The following MACF1 variants were observed in gnomAD, a reference collection of about 807,000 sequenced individuals.
The protein encoded by MACF1 is microtubule actin crosslinking factor 1.
In MACF1, 193 loss-of-function variants were observed where a neutral mutation model predicts 854.8. That is an observed-to-expected ratio of 0.23 (90% CI 0.20 to 0.25). The LOEUF (loss-of-function observed/expected upper bound fraction) is 0.25, where lower values mean the gene tolerates loss of function less well. MACF1 is among the 10% of genes least tolerant of loss of function. The pLI, the probability that MACF1 is intolerant of heterozygous loss-of-function variation, is 1.00. For missense variants in MACF1, 7,722 were observed against 8,929.1 expected, an observed-to-expected ratio of 0.86 and a Z score of 5.45; for synonymous variants, 3,185 against 3,226.7, an observed-to-expected ratio of 0.99 and a Z score of 0.44.
intron 58 of MACF1, chr1:39,411,189 C>G (rs745428115): frequency 6.2e-7 from 1 of 1,613,722 alleles, no homozygotes; most frequent in Non-Finnish European, 8.5e-7. Flanking sequence ...TTCTCATAAC[C>G]CCCAGCCTGA....
At chr1:39,441,159 C>T (rs374910207) in intron 73 of MACF1, 34 bp downstream of exon 73, 84 of 1,613,992 alleles carry the variant, frequency 5.2e-5, no homozygotes, top group Non-Finnish European at 6.7e-5. Context: ...TCAGTTAGAA[C>T]ATTAGTGGGC....
chr1:39,410,117 G>C (rs1446680480), intron 58 of MACF1: 1 of 551,958 alleles, frequency 1.8e-6, no homozygotes, highest in Non-Finnish European at 3.1e-6. Flanking sequence ...TTTCAAAACG[G>C]AACTTCCAGG....
At chr1:39,092,960 T>A (rs982494005) in intron 2 of MACF1, among the ~76,000 whole-genome samples, 1 of 151,936 alleles carries the variant, frequency 6.6e-6, no homozygotes, top group African/African-American at 2.4e-5. Flanking sequence ...TTTTTTTGTA[T>A]TTTTTAGTAG....
intron 1 of MACF1, among the ~76,000 whole-genome samples, chr1:39,210,498 C>G (rs1487687006): frequency 6.6e-6 from 1 of 151,852 alleles, no homozygotes; most frequent in Non-Finnish European, 1.5e-5. Context: ...CCATGCCTGG[C>G]TCTTTTTCTT....
chr1:39,460,888 C>A lies in MACF1; in HGVS notation c.21523+94C>A. 6.9e-7 allele frequency: 1 copy of A among 1,449,876 alleles called. No individual in the cohort carries two copies. The highest frequency in any genetic ancestry group is 9.6e-7 in the Non-Finnish European group (1 of 1,046,386). 89.8% of individuals were successfully genotyped at this position (1,449,876 alleles called of 1,614,324 possible). On this transcript the variant is annotated intron_variant, in intron 92 of 100. Coordinates refer to ENST00000564288, the MANE Select transcript of MACF1 (RefSeq NM_001394062.1). This position sits in a 1 kb window ranked among gnomAD's most constrained non-coding sequence, Gnocchi z 4.1. ...TTCTAGCTAAACAGTCTTTCTGAAG[C>A]TGGCCAGGAGCTTGGCTCACACCTG...
intron 49 of MACF1, among the ~76,000 whole-genome samples, chr1:39,365,421 A>G (rs1156332618): frequency 6.6e-6 from 1 of 152,142 alleles, no homozygotes; most frequent in Non-Finnish European, 1.5e-5. Flanking sequence ...TCAAGAGGTC[A>G]TGCTCAAAGG....
chr1:39,430,327 T>C (rs1270500869), intron 65 of MACF1, among the ~76,000 whole-genome samples: 3 of 151,986 alleles, frequency 2.0e-5, no homozygotes, highest in Non-Finnish European at 4.4e-5. Context: ...TTTTATTTGA[T>C]TTCTCTGCAG....
At chr1:39,293,010 C>T (rs1045572288) in intron 17 of MACF1, among the ~76,000 whole-genome samples, 167 bp downstream of exon 17, 1 of 152,158 alleles carries the variant, frequency 6.6e-6, no homozygotes, top group Non-Finnish European at 1.5e-5. Flanking sequence ...AACATTTTCC[C>T]AATTTTCTAA....
At chr1:39,128,763 A>C (rs1642925631) in intron 2 of MACF1, among the ~76,000 whole-genome samples, 1 of 152,080 alleles carries the variant, frequency 6.6e-6, no homozygotes, top group Non-Finnish European at 1.5e-5. Context: ...CTCCTGGTAA[A>C]ATTTTACTTA....
intron 95 of MACF1, chr1:39,467,618 ATGCT>A (rs1235543529): frequency 2.0e-5 from 3 of 152,226 alleles, no homozygotes; most frequent in Admixed American, 2.0e-4. Context: ...AATCAGAAAT[ATGCT>A]TGTTTTAGCA....
chr1:39,266,105 G>T (rs1307075973), intron 6 of MACF1, among the ~76,000 whole-genome samples: 1 of 152,094 alleles, frequency 6.6e-6, no homozygotes, highest in Non-Finnish European at 1.5e-5. Flanking sequence ...GACATATGCA[G>T]AAATTTTAAA....
At chr1:39,139,645 T>A (rs1416253188) in intron 2 of MACF1, among the ~76,000 whole-genome samples, 1 of 152,220 alleles carries the variant, frequency 6.6e-6, no homozygotes, top group East Asian at 1.9e-4. Context: ...CTTTAATTTC[T>A]ACATTATATT....
intron 1 of MACF1, among the ~76,000 whole-genome samples, chr1:39,212,761 T>A (rs1644531697): frequency 6.6e-6 from 1 of 152,196 alleles, no homozygotes; most frequent in African/African-American, 2.4e-5. Flanking sequence ...TATCTGGAAT[T>A]ACAGGCATGT....
intron 20 of MACF1, among the ~76,000 whole-genome samples, chr1:39,296,199 C>T (rs1301411802): frequency 6.6e-6 from 1 of 152,092 alleles, no homozygotes; most frequent in East Asian, 1.9e-4. Flanking sequence ...TCTCTAGCAT[C>T]CAGCAGCTTT....
At chr1:39,171,336 G>A (rs1337022892) in intron 2 of MACF1, among the ~76,000 whole-genome samples, 1 of 151,724 alleles carries the variant, frequency 6.6e-6, no homozygotes, top group Non-Finnish European at 1.5e-5. Flanking sequence ...TTGACATTAA[G>A]TACATTCACA....
At chr1:39,413,190 C>A (rs1643108067) in intron 58 of MACF1, 6 of 1,613,498 alleles carry the variant, frequency 3.7e-6, no homozygotes, top group Non-Finnish European at 5.1e-6. Flanking sequence ...AAGGGCCTGT[C>A]ACCCCAGCTA....
At chr1:39,413,964 T>C in intron 58 of MACF1, 1 of 1,606,394 alleles carries the variant, frequency 6.2e-7, no homozygotes, top group South Asian at 1.1e-5. Context: ...CCCTAGCAGC[T>C]GCAGTGTCCA....
intron 23 of MACF1, among the ~76,000 whole-genome samples, chr1:39,304,142 TA>T (rs1449416368): frequency 6.8e-5 from 10 of 147,506 alleles, no homozygotes; most frequent in African/African-American, 2.5e-4. Context: ...TTACATTAGG[TA>T]TATCTCCTAA....
chr1:39,387,840 G>A lies in MACF1; in HGVS notation c.14998G>A (p.Ala5000Thr), dbSNP rs1287016164. 2 of 1,614,140 alleles carry A rather than the reference G, an allele frequency of 1.2e-6. No homozygotes were observed. The highest frequency in any genetic ancestry group is 2.2e-5 in the South Asian group (2 of 91,082). Residue 5000 changes from alanine to threonine, a missense_variant, in exon 58 of 101, where the codon GCC (alanine) becomes ACC (threonine). This residue lies in a region of MACF1 where 2,807 missense variants were observed against 3,235.8 expected (regional missense o/e 0.87). Coordinates refer to ENST00000564288, the MANE Select transcript of MACF1 (RefSeq NM_001394062.1). Reference protein sequence around the residue: ...NMDAVTEELQAKTGSLEEMTQ... With the variant: ...NMDAVTEELQTKTGSLEEMTQ... ...GGATGCTGTTACAGAAGAGCTGCAG[G>A]CCAAAACAGGGTCACTCGAAGAAAT...
Sources: gnomAD v4.1 joint callset for allele counts (sites outside exome capture counted in the v4.1 genomes callset) on GRCh38, gnomAD v4.1.1 for gene constraint, gnomAD v4.1.1 regional missense constraint, Gnocchi (gnomAD v3.1) non-coding constraint, MANE v1.5 for transcripts, NCBI Gene and HGNC (gene_info 2026-07-23, HGNC 2026-07-21) for gene names.